Variants in PTPRD observed in about 807,000 individuals in gnomAD.
PTPRD encodes the protein protein tyrosine phosphatase receptor type D, also known as receptor-type tyrosine-protein phosphatase delta.
In PTPRD, 34 loss-of-function variants were observed where a neutral mutation model predicts 214.5. The ratio of observed to expected loss-of-function variants is 0.16; its 90% CI spans 0.12 to 0.21. The LOEUF (loss-of-function observed/expected upper bound fraction) is 0.21. Ranked by LOEUF, PTPRD falls within the 10% of genes least tolerant of loss-of-function variation. The probability of loss-of-function intolerance (pLI) is 1.00; values close to 1 mark genes in which losing one functional copy is unlikely to be tolerated. For missense variants in PTPRD, 2,545 were observed against 2,398.7 expected, an observed-to-expected ratio of 1.06 and a Z score of -1.27; for synonymous variants, 1,128 against 845.7, an observed-to-expected ratio of 1.33 and a Z score of -5.79.
chr9:10,317,904 T>C lies in PTPRD; in HGVS notation c.-545+23059A>G, dbSNP rs116085267. ...TACTTGATAGTTAAGGTATCCTAAA[T>C]TCCAGCTTCACTTCTCTAATTTTCA... On this transcript the variant is annotated intron_variant, in intron 3 of 45. Coordinates refer to ENST00000381196, the MANE Select transcript of PTPRD (RefSeq NM_002839.4). Among the ~76,000 whole-genome samples, 204 of 152,146 alleles carry C rather than the reference T, an allele frequency of 1.3e-3. 2 individuals are homozygous for C. Among genetic ancestry groups the C allele is most frequent in the African/African-American group, 4.5e-3 (189 of 41,550 alleles).
chr9:10,545,939 G>A (rs572381263), intron 2 of PTPRD, among the ~76,000 whole-genome samples: 2 of 152,234 alleles, frequency 1.3e-5, no homozygotes, highest in East Asian at 1.9e-4. Flanking sequence ...TATTATAATA[G>A]AGTCTCATCT....
chr9:9,114,985 G>T (rs928088460), intron 10 of PTPRD, among the ~76,000 whole-genome samples: 1 of 152,134 alleles, frequency 6.6e-6, no homozygotes, highest in African/African-American at 2.4e-5. Context: ...TACATTTCAT[G>T]GTTGTGCGCA....
intron 9 of PTPRD, among the ~76,000 whole-genome samples, chr9:9,315,727 G>T: frequency 6.7e-6 from 1 of 150,116 alleles, no homozygotes; most frequent in South Asian, 2.1e-4. Context: ...AAAAAACAAA[G>T]GAAGAAAAAA....
At position 9,293,702 on chromosome 9, in the gene PTPRD, T is replaced by C. The variant is rs143855975; in HGVS notation, c.-203+103747A>G. ...AGTGGATGTGAATCTCAAATAGTAA[T>C]GAACTCGACTGCTGGCAATCAGAAC... On this transcript the variant is annotated intron_variant, in intron 9 of 45. Transcript: ENST00000381196. 3.4e-3 allele frequency among the ~76,000 whole-genome samples: 514 copies of C among 151,670 alleles called. 2 individuals are homozygous for C. The highest frequency in any genetic ancestry group is 0.012 in the African/African-American group (488 of 41,462).
chr9:9,530,726 C>T (rs986129996), intron 8 of PTPRD, among the ~76,000 whole-genome samples: 18 of 152,118 alleles, frequency 1.2e-4, no homozygotes, highest in African/African-American at 4.3e-4. Flanking sequence ...GAAATAATGT[C>T]ATTTGCAGCA....
rs570867859 is a variant in PTPRD at position 8,788,967 on chromosome 9, CTT to C, written c.-103-55023_-103-55022del. On this transcript the variant is annotated intron_variant, in intron 11 of 45. Transcript: ENST00000381196. ...GTCACATTACTTTACATAAAAATAACTTTATCTAGCTATATATATGCATCACA... is the reference window on the plus strand; with the variant it reads ...GTCACATTACTTTACATAAAAATAACTATCTAGCTATATATATGCATCACA... Among the ~76,000 whole-genome samples, 366 of 152,170 alleles carry C rather than the reference CTT, an allele frequency of 2.4e-3. 1 individual carries two copies. Among genetic ancestry groups the C allele is most frequent in the African/African-American group, 8.4e-3 (351 of 41,542 alleles).
chr9:10,489,506 A>C (rs528817384), intron 2 of PTPRD, among the ~76,000 whole-genome samples: 2 of 152,256 alleles, frequency 1.3e-5, no homozygotes, highest in Non-Finnish European at 2.9e-5. Context: ...CTCTGTGCCC[A>C]GTTCAGCACT....
intron 8 of PTPRD, among the ~76,000 whole-genome samples, chr9:9,520,360 G>C (rs2096939203): frequency 6.7e-6 from 1 of 149,910 alleles, no homozygotes; most frequent in African/African-American, 2.5e-5. Context: ...GAACATGCAT[G>C]AATACTATGA....
At chr9:9,172,345 A>T (rs1402520706) in intron 10 of PTPRD, among the ~76,000 whole-genome samples, 5 of 152,158 alleles carry the variant, frequency 3.3e-5, no homozygotes, top group African/African-American at 1.2e-4. Flanking sequence ...ACAATGACAC[A>T]GTAGCAAAGT....
intron 35 of PTPRD, among the ~76,000 whole-genome samples, chr9:8,420,182 T>G (rs1335295776): frequency 4.6e-5 from 7 of 152,112 alleles, no homozygotes. Context: ...AAAGGAACCC[T>G]TGGACTCAGA....
intron 11 of PTPRD, among the ~76,000 whole-genome samples, chr9:8,768,769 A>G (rs1215274827): frequency 1.3e-5 from 2 of 152,210 alleles, no homozygotes; most frequent in African/African-American, 4.8e-5. Flanking sequence ...AAGAAAAATA[A>G]ACCAAATATG....
At chr9:9,364,925 C>G (rs2057429284) in intron 9 of PTPRD, among the ~76,000 whole-genome samples, 1 of 151,486 alleles carries the variant, frequency 6.6e-6, no homozygotes, top group African/African-American at 2.4e-5. Flanking sequence ...GTGGCTTAGA[C>G]TGGAGCAGCA....
chr9:10,238,093 G>T (rs957782140), intron 3 of PTPRD, among the ~76,000 whole-genome samples: 54 of 151,004 alleles, frequency 3.6e-4, no homozygotes, highest in Non-Finnish European at 7.4e-5. Context: ...GAGCCATTTT[G>T]TATTACTTCA....
intron 7 of PTPRD, among the ~76,000 whole-genome samples, chr9:9,600,876 A>T (rs2093695281): frequency 6.6e-6 from 1 of 151,896 alleles, no homozygotes; most frequent in Non-Finnish European, 1.5e-5. Context: ...CACAAACTAT[A>T]TTTTTTCTAC....
At chr9:9,148,084 T>C (rs2154485921) in intron 10 of PTPRD, among the ~76,000 whole-genome samples, 1 of 152,350 alleles carries the variant, frequency 6.6e-6, no homozygotes. Flanking sequence ...ATTTAGCTTT[T>C]GTATTGCATT....
intron 7 of PTPRD, among the ~76,000 whole-genome samples, chr9:9,692,621 T>A (rs2154404576): frequency 6.9e-6 from 1 of 144,918 alleles, no homozygotes; most frequent in East Asian, 2.1e-4. Flanking sequence ...TATTTTGTGA[T>A]TCTATATAAA....
intron 14 of PTPRD, among the ~76,000 whole-genome samples, chr9:8,607,199 A>T (rs1227099373): frequency 1.3e-5 from 2 of 152,194 alleles, no homozygotes; most frequent in Non-Finnish European, 2.9e-5. Flanking sequence ...AAAAAATATA[A>T]CTAGGTGAGT....
intron 10 of PTPRD, among the ~76,000 whole-genome samples, chr9:9,108,848 G>C (rs2099802310): frequency 6.6e-6 from 1 of 152,092 alleles, no homozygotes; most frequent in Non-Finnish European, 1.5e-5. Flanking sequence ...TCTGGTCGGG[G>C]GAGCAATGGA....
At chr9:9,321,266 G>C (rs1966329870) in intron 9 of PTPRD, among the ~76,000 whole-genome samples, 3 of 152,098 alleles carry the variant, frequency 2.0e-5, no homozygotes, top group Admixed American at 2.0e-4. Context: ...CATTAAAGGA[G>C]GACTCTGGGC....
Sources: gnomAD v4.1 joint callset for allele counts (sites outside exome capture counted in the v4.1 genomes callset) on GRCh38, gnomAD v4.1.1 for gene constraint, MANE v1.5 for transcripts, NCBI Gene and HGNC (gene_info 2026-07-23, HGNC 2026-07-21) for gene names.